The following THRAP3 variants were observed in gnomAD, a reference collection of about 807,000 sequenced individuals.
The protein encoded by THRAP3 is thyroid hormone receptor associated protein 3, also known as thyroid hormone receptor-associated protein 3.
THRAP3 carries 16 observed loss-of-function variants against 101.0 expected under a neutral mutation model. That is an observed-to-expected ratio of 0.16 (90% confidence interval 0.11 to 0.24). The LOEUF (loss-of-function observed/expected upper bound fraction) is 0.24. THRAP3 is among the 10% of genes least tolerant of loss of function. THRAP3 has a pLI of 1.00. For missense variants in THRAP3, 989 were observed against 1,202.7 expected (o/e 0.82, Z 2.63); for synonymous variants, 407 against 422.6 (o/e 0.96, Z 0.45).
At chr1:36,264,007 T>C (rs1232104913) in intron 2 of THRAP3, among the ~76,000 whole-genome samples, 1 of 152,252 alleles carries the variant, frequency 6.6e-6, no homozygotes, top group Admixed American at 6.5e-5. Flanking sequence ...AAATGCTTTA[T>C]TGCTGTGTAG....
intron 3 of THRAP3, among the ~76,000 whole-genome samples, chr1:36,283,356 G>T (rs1476161427): frequency 6.6e-6 from 1 of 152,098 alleles, no homozygotes; most frequent in East Asian, 1.9e-4. Context: ...TTATGTCTTG[G>T]AATAGGATGC....
At chr1:36,219,588 C>G (rs559538614), upstream of THRAP3, among the ~76,000 whole-genome samples, 2 of 151,706 alleles carry the variant, frequency 1.3e-5, no homozygotes, top group African/African-American at 4.8e-5. Context: ...CCATGCCCAG[C>G]TAACTTTTTT....
intron 2 of THRAP3, among the ~76,000 whole-genome samples, chr1:36,275,304 A>G (rs1268228806): frequency 8.0e-6 from 1 of 125,568 alleles, no homozygotes; most frequent in Admixed American, 8.5e-5. Context: ...AAAAAAAAAA[A>G]AGTCTGGGTG....
intron 1 of THRAP3, among the ~76,000 whole-genome samples, chr1:36,243,337 C>G (rs1158987742): frequency 6.6e-6 from 1 of 151,618 alleles, no homozygotes; most frequent in Admixed American, 6.6e-5. Context: ...AGGCAGAGGA[C>G]CCTGCGGCCT....
intron 1 of THRAP3, among the ~76,000 whole-genome samples, chr1:36,250,282 C>T (rs1485470116): frequency 6.6e-6 from 1 of 150,592 alleles, no homozygotes; most frequent in Non-Finnish European, 1.5e-5. Flanking sequence ...GGCGCGATCT[C>T]AGCTCACTGC....
chr1:36,304,993 T>G lies in THRAP3; in HGVS notation c.*976T>G, dbSNP rs532799544. The stretch of plus-strand genomic sequence containing the variant: ...GTTATGGCTGGGTGGTTCAGGGGTT[T>G]TTTTGGGTTTCTTTTTTTTTTTCTT... On this transcript the variant is annotated 3_prime_UTR_variant, in exon 12 of 12. Coordinates refer to ENST00000354618, the MANE Select transcript of THRAP3 (RefSeq NM_005119.4). 80 of 211,290 alleles carry G rather than the reference T, an allele frequency of 3.8e-4. No individual in the cohort carries two copies. The highest frequency in any genetic ancestry group is 5.2e-4 in the Non-Finnish European group (54 of 104,208). The allele number at this position is 211,290 out of a possible 1,614,324, so 13.1% of individuals were successfully genotyped here. A position where few individuals can be genotyped will look rare whatever the true frequency, so the allele number is the denominator to read the frequency against.
chr1:36,225,330 G>T (rs1441937409), intron 1 of THRAP3: 1 of 152,202 alleles, frequency 6.6e-6, no homozygotes, highest in Non-Finnish European at 1.5e-5. Context: ...AGGCAGTGAA[G>T]CTTCTGTTGG....
chr1:36,248,447 CTTTTTT>C (rs35044035), intron 1 of THRAP3, among the ~76,000 whole-genome samples: 2 of 112,290 alleles, frequency 1.8e-5, no homozygotes, highest in Admixed American at 9.5e-5. Context: ...GCCTCAGCCT[CTTTTTT>C]TTTTTTTTTT....
chr1:36,221,864 C>T (rs570316424), upstream of THRAP3, among the ~76,000 whole-genome samples: 3 of 149,512 alleles, frequency 2.0e-5, no homozygotes, highest in East Asian at 5.9e-4. Context: ...GGCTGGAGTG[C>T]AGTGGCACGA....
chr1:36,224,938 A>G (rs1570209543), intron 1 of THRAP3: 1 of 152,288 alleles, frequency 6.6e-6, no homozygotes, highest in Non-Finnish European at 1.5e-5. Flanking sequence ...GCTGCCACTC[A>G]GTAAATGTTA....
intron 1 of THRAP3, among the ~76,000 whole-genome samples, chr1:36,240,598 G>A (rs1645143637): frequency 1.3e-5 from 2 of 152,134 alleles, no homozygotes; most frequent in African/African-American, 2.4e-5. Flanking sequence ...CCTCACAGAC[G>A]TACCCAGGAA....
intron 8 of THRAP3, 174 bp downstream of exon 8, chr1:36,294,109 A>G (rs1011465149): frequency 1.1e-4 from 154 of 1,402,554 alleles, no homozygotes; most frequent in Admixed American, 3.5e-4. Context: ...TGTATCAACA[A>G]CCTTTGTGAA....
chr1:36,294,474 C>T (rs1256244377), intron 8 of THRAP3, among the ~76,000 whole-genome samples: 1 of 151,956 alleles, frequency 6.6e-6, no homozygotes, highest in Non-Finnish European at 1.5e-5. Flanking sequence ...ATGATGTGCA[C>T]GTAAACACTG....
At chr1:36,294,006 T>C (rs779604919) in intron 8 of THRAP3, 71 bp downstream of exon 8, 2 of 1,576,612 alleles carry the variant, frequency 1.3e-6, no homozygotes, top group Non-Finnish European at 1.7e-6. Flanking sequence ...AGAAATGTGT[T>C]TGTTTAAATT....
chr1:36,211,800 T>C, the THRAP3 span, among the ~76,000 whole-genome samples: 1 of 152,290 alleles, frequency 6.6e-6, no homozygotes, highest in East Asian at 1.9e-4. Context: ...GTCTGAGCAA[T>C]GGCAAAGTTA....
the THRAP3 span, among the ~76,000 whole-genome samples, chr1:36,210,714 T>TC: frequency 0.02 from 2 of 100 alleles, 1 homozygote; most frequent in Non-Finnish European, 0.2. Flanking sequence ...TATATATATA[T>TC]ATATATATAT....
At chr1:36,261,081 T>C (rs1557427899) in intron 2 of THRAP3, among the ~76,000 whole-genome samples, 1 of 152,132 alleles carries the variant, frequency 6.6e-6, no homozygotes, top group Non-Finnish European at 1.5e-5. Context: ...CACAATACAT[T>C]TAAGCATTTT....
chr1:36,233,114 C>T (rs891117545), intron 1 of THRAP3, among the ~76,000 whole-genome samples: 14 of 151,628 alleles, frequency 9.2e-5, no homozygotes, highest in African/African-American at 2.9e-4. Flanking sequence ...GGTGATCTGC[C>T]CCCTCGGCCT....
chr1:36,240,813 A>G (rs953607577), intron 1 of THRAP3, among the ~76,000 whole-genome samples: 1 of 152,148 alleles, frequency 6.6e-6, no homozygotes, highest in Non-Finnish European at 1.5e-5. Flanking sequence ...ATAATTTGTG[A>G]TAATATTTAT....
Sources: gnomAD v4.1 joint callset for allele counts (sites outside exome capture counted in the v4.1 genomes callset) on GRCh38, gnomAD v4.1.1 for gene constraint, MANE v1.5 for transcripts, NCBI Gene and HGNC (gene_info 2026-07-23, HGNC 2026-07-21) for gene names.